Variants in COL13A1 observed in about 807,000 individuals in gnomAD.
COL13A1 encodes the protein collagen alpha-1(XIII) chain.
A neutral mutation model predicts 130.9 loss-of-function variants in COL13A1; 89 were observed. The observed-to-expected ratio is 0.68, with a 90% CI of 0.57 to 0.81. The LOEUF is 0.81. Ranked by LOEUF, COL13A1 falls within the 30% of genes least tolerant of loss-of-function variation. The pLI is 0.00. For missense variants in COL13A1, 879 were observed against 934.6 expected, an observed-to-expected ratio of 0.94 and a Z score of 0.78; for synonymous variants, 402 against 341.6, an observed-to-expected ratio of 1.18 and a Z score of -1.95.
intron 18 of COL13A1, among the ~76,000 whole-genome samples, chr10:69,917,879 G>A (rs1050164084): frequency 3.3e-5 from 5 of 151,846 alleles, no homozygotes; most frequent in Admixed American, 1.3e-4. Context: ...CCCCTCTCCC[G>A]TGGCTTTCCA....
chr10:69,951,285 TATC>T (rs2069522501), intron 38 of COL13A1, among the ~76,000 whole-genome samples: 1 of 152,178 alleles, frequency 6.6e-6, no homozygotes, highest in Non-Finnish European at 1.5e-5. Flanking sequence ...TGACCATTAT[TATC>T]ATTATGAAGC....
chr10:69,857,877 G>A (rs1856867026), intron 2 of COL13A1, among the ~76,000 whole-genome samples: 2 of 152,154 alleles, frequency 1.3e-5, no homozygotes, highest in South Asian at 4.1e-4. Flanking sequence ...CAGCACTTTG[G>A]GAAGCCAAGG....
At chr10:69,835,732 A>C (rs962541527) in intron 2 of COL13A1, among the ~76,000 whole-genome samples, 1 of 152,224 alleles carries the variant, frequency 6.6e-6, no homozygotes, top group African/African-American at 2.4e-5. Flanking sequence ...CCCAAGTGCT[A>C]CCCTGGAGCA....
intron 32 of COL13A1, among the ~76,000 whole-genome samples, chr10:69,936,103 AG>A (rs1177933237): frequency 1.4e-3 from 1 of 696 alleles, no homozygotes; most frequent in African/African-American, 3.4e-3. Context: ...GAGGGAAGGG[AG>A]GAAGGAAGGA....
chr10:69,929,746 G>C (rs1347586561), intron 28 of COL13A1, among the ~76,000 whole-genome samples: 1 of 152,196 alleles, frequency 6.6e-6, no homozygotes, highest in Admixed American at 6.5e-5. Context: ...AGGGCTCCCA[G>C]AGGCAGCAGT....
At chr10:69,879,506 G>A (rs1189809432) in intron 6 of COL13A1, 1 of 152,150 alleles carries the variant, frequency 6.6e-6, no homozygotes, top group African/African-American at 2.4e-5. Context: ...TCTTAACCAT[G>A]ACACTACACC....
At chr10:69,930,343 C>A in intron 29 of COL13A1, 57 bp from the exon 30 acceptor site, 2 of 1,498,582 alleles carry the variant, frequency 1.3e-6, no homozygotes, top group South Asian at 1.3e-5. Context: ...CTCTCTCTCC[C>A]TCTCTCCTCT....
At chr10:69,840,032 T>C (rs1274419343) in intron 2 of COL13A1, among the ~76,000 whole-genome samples, 3 of 152,044 alleles carry the variant, frequency 2.0e-5, no homozygotes, top group African/African-American at 7.2e-5. Flanking sequence ...GGTGTCCAGG[T>C]GAGAGGCAGT....
At chr10:69,951,655 A>T (rs997811373) in intron 38 of COL13A1, among the ~76,000 whole-genome samples, 2 of 152,204 alleles carry the variant, frequency 1.3e-5, no homozygotes, top group Non-Finnish European at 2.9e-5. Flanking sequence ...ATGAGCCACC[A>T]TGCCCAGCCT....
intron 19 of COL13A1, among the ~76,000 whole-genome samples, chr10:69,918,752 G>A (rs1343457927): frequency 1.3e-5 from 2 of 152,198 alleles, no homozygotes; most frequent in East Asian, 1.9e-4. Flanking sequence ...CACAGCAGGT[G>A]CACTTACAGG....
At chr10:69,880,788 CCCTCT>C (rs1489913166) in intron 7 of COL13A1, among the ~76,000 whole-genome samples, 2 of 152,212 alleles carry the variant, frequency 1.3e-5, no homozygotes, top group Admixed American at 6.5e-5. Flanking sequence ...GAGGGACCTG[CCCTCT>C]AGCCACGAAA....
chr10:69,884,213 A>T (rs2060403433), intron 7 of COL13A1, among the ~76,000 whole-genome samples: 1 of 152,206 alleles, frequency 6.6e-6, no homozygotes, highest in Admixed American at 6.5e-5. Flanking sequence ...GGCTGGCAAG[A>T]GTGGACCATG....
chr10:69,818,781 G>C (rs888049902), intron 1 of COL13A1, among the ~76,000 whole-genome samples: 2 of 152,222 alleles, frequency 1.3e-5, no homozygotes, highest in African/African-American at 2.4e-5. Flanking sequence ...CCTCTACCTT[G>C]TTCTACTCAG....
chr10:69,921,796 A>G, intron 21 of COL13A1, 86 bp from the exon 22 acceptor site: 1 of 1,526,764 alleles, frequency 6.5e-7, no homozygotes, highest in South Asian at 1.2e-5. Flanking sequence ...AAGGGAAGGC[A>G]AGGCCCTAAG....
At chr10:69,887,384 A>C in intron 7 of COL13A1, 72 bp from the exon 8 acceptor site, 1 of 1,487,964 alleles carries the variant, frequency 6.7e-7, no homozygotes, top group Non-Finnish European at 9.3e-7. Context: ...GCAAAGATGA[A>C]CTGGAGGCCT....
chr10:69,878,947 T>A (rs1024187862), intron 6 of COL13A1, among the ~76,000 whole-genome samples: 29 of 152,282 alleles, frequency 1.9e-4, no homozygotes, highest in African/African-American at 6.7e-4. Flanking sequence ...AATGCAGTAT[T>A]TCTGCAATAG....
At chr10:69,837,138 A>C (rs536377215) in intron 2 of COL13A1, among the ~76,000 whole-genome samples, 1 of 152,212 alleles carries the variant, frequency 6.6e-6, no homozygotes, top group South Asian at 2.1e-4. Context: ...TCATTTTCCT[A>C]TAGGCTTAGA....
At chr10:69,898,954 A>C (rs960686781) in intron 14 of COL13A1, among the ~76,000 whole-genome samples, 192 bp downstream of exon 14, 14 of 152,324 alleles carry the variant, frequency 9.2e-5, no homozygotes, top group African/African-American at 3.1e-4. Context: ...CTACCACCAC[A>C]CAATGATTAC....
intron 39 of COL13A1, chr10:69,954,814 G>A (rs76494972): frequency 0.026 from 3,989 of 152,310 alleles, 103 homozygotes; most frequent in South Asian, 0.11. Context: ...TGGGAGAGAC[G>A]GAAAGGTCAA....
Sources: gnomAD v4.1 joint callset for allele counts (sites outside exome capture counted in the v4.1 genomes callset) on GRCh38, gnomAD v4.1.1 for gene constraint, MANE v1.5 for transcripts, NCBI Gene and HGNC (gene_info 2026-07-23, HGNC 2026-07-21) for gene names.